PAK5: variants seen among roughly 807,000 people sequenced by gnomAD.
PAK5 encodes serine/threonine-protein kinase PAK 5.
PAK5 carries 16 observed loss-of-function variants against 65.9 expected under a neutral mutation model. The observed-to-expected ratio is 0.24, with a 90% CI of 0.16 to 0.37. The LOEUF (loss-of-function observed/expected upper bound fraction) is 0.37, where lower values mean the gene tolerates loss of function less well. PAK5 is among the 10% of genes least tolerant of loss of function. The pLI, the probability that PAK5 is intolerant of heterozygous loss-of-function variation, is 1.00. For missense variants in PAK5, 785 were observed against 903.9 expected, an observed-to-expected ratio of 0.87 and a Z score of 1.69; for synonymous variants, 371 against 354.9, an observed-to-expected ratio of 1.05 and a Z score of -0.51.
rs140932335 is a variant in PAK5, at chr20:9,629,561, T to A, written c.204+14564A>T. Among the ~76,000 whole-genome samples, 321 of 152,086 alleles carry A rather than the reference T, an allele frequency of 2.1e-3. 1 individual carries two copies. The highest frequency in any genetic ancestry group is 7.4e-3 in the African/African-American group (309 of 41,502). On this transcript the variant is annotated intron_variant, in intron 3 of 9. Coordinates refer to ENST00000353224, the MANE Select transcript of PAK5 (RefSeq NM_177990.4). Reference sequence around the variant, plus strand: ...CTGGTCTTGAACTCCTGGACTCAAGTGATCCTCCTGCCTTGGCCTCTCAAA... The same window carrying A: ...CTGGTCTTGAACTCCTGGACTCAAGAGATCCTCCTGCCTTGGCCTCTCAAA...
chr20:9,577,746 C>G (rs772706171), intron 4 of PAK5: 1 of 152,232 alleles, frequency 6.6e-6, no homozygotes, highest in Non-Finnish European at 1.5e-5. Flanking sequence ...GAATCTCTCA[C>G]GAGTTTCCTG....
At chr20:9,589,936 T>G (rs1198754127) in intron 3 of PAK5, among the ~76,000 whole-genome samples, 1 of 152,182 alleles carries the variant, frequency 6.6e-6, no homozygotes, top group African/African-American at 2.4e-5. Context: ...TCTCTTTCTA[T>G]TCTAAGACTT....
At chr20:9,667,717 G>C (rs2047438782) in intron 2 of PAK5, among the ~76,000 whole-genome samples, 1 of 152,060 alleles carries the variant, frequency 6.6e-6, no homozygotes, top group Non-Finnish European at 1.5e-5. Flanking sequence ...CTAAGTTTTG[G>C]GGTCATTTGT....
At chr20:9,581,459 A>G (rs2045979526) in intron 3 of PAK5, among the ~76,000 whole-genome samples, 1 of 152,206 alleles carries the variant, frequency 6.6e-6, no homozygotes, top group Non-Finnish European at 1.5e-5. Context: ...TGGAAGACAT[A>G]ATAACTGAGG....
At chr20:9,668,182 A>G (rs2123357339) in intron 2 of PAK5, among the ~76,000 whole-genome samples, 1 of 152,296 alleles carries the variant, frequency 6.6e-6, no homozygotes, top group Admixed American at 6.5e-5. Context: ...CATACAACCT[A>G]AGACAATAGC....
chr20:9,592,861 T>C (rs772178294), intron 3 of PAK5, among the ~76,000 whole-genome samples: 2 of 152,092 alleles, frequency 1.3e-5, no homozygotes, highest in Non-Finnish European at 2.9e-5. Flanking sequence ...AGAACAGGTG[T>C]TGTGGGATGT....
At chr20:9,836,089 A>G (rs1023400078) in intron 1 of PAK5, among the ~76,000 whole-genome samples, 2 of 152,136 alleles carry the variant, frequency 1.3e-5, no homozygotes, top group Non-Finnish European at 2.9e-5. Context: ...GCTCTTCCCT[A>G]CCATGGTTGT....
intron 2 of PAK5, among the ~76,000 whole-genome samples, chr20:9,704,541 T>C (rs1416879282): frequency 6.6e-6 from 1 of 152,158 alleles, no homozygotes; most frequent in Admixed American, 6.5e-5. Context: ...CCACTAAATA[T>C]ATGATCCCTA....
At chr20:9,667,587 C>T (rs2047437529) in intron 2 of PAK5, among the ~76,000 whole-genome samples, 1 of 152,074 alleles carries the variant, frequency 6.6e-6, no homozygotes, top group Non-Finnish European at 1.5e-5. Flanking sequence ...CTTCTAGTTG[C>T]ATACCACTGG....
chr20:9,777,086 C>T (rs1175432252), intron 1 of PAK5, among the ~76,000 whole-genome samples: 6 of 152,108 alleles, frequency 3.9e-5, no homozygotes, highest in African/African-American at 9.7e-5. Flanking sequence ...AGCCAGCTAC[C>T]GTGTCTCATC....
chr20:9,745,341 C>T (rs544972576), intron 1 of PAK5, among the ~76,000 whole-genome samples: 3 of 151,860 alleles, frequency 2.0e-5, no homozygotes, highest in Non-Finnish European at 4.4e-5. Flanking sequence ...ATATGAATCA[C>T]ATTCGACATA....
intron 2 of PAK5, among the ~76,000 whole-genome samples, chr20:9,674,759 G>A (rs993579264): frequency 4.6e-5 from 7 of 152,248 alleles, no homozygotes; most frequent in Admixed American, 2.0e-4. Context: ...CTGGAGTCTA[G>A]TCTCAGTCTA....
chr20:9,806,485 G>A (rs1402343325), intron 1 of PAK5, among the ~76,000 whole-genome samples: 1 of 152,144 alleles, frequency 6.6e-6, no homozygotes, highest in Non-Finnish European at 1.5e-5. Context: ...GGGACAGAAC[G>A]TAAAGACCCT....
At chr20:9,783,872 C>T (rs1018837928) in intron 1 of PAK5, among the ~76,000 whole-genome samples, 1 of 152,078 alleles carries the variant, frequency 6.6e-6, no homozygotes, top group East Asian at 1.9e-4. Flanking sequence ...TTTAACCACG[C>T]TAAAAATCTT....
chr20:9,607,773 A>T (rs6140984), intron 3 of PAK5, among the ~76,000 whole-genome samples: 4 of 151,928 alleles, frequency 2.6e-5, no homozygotes, highest in Non-Finnish European at 5.9e-5. Flanking sequence ...CTACAGTGAG[A>T]TATGATCTTC....
chr20:9,670,024 T>G (rs1455197995), intron 2 of PAK5, among the ~76,000 whole-genome samples: 1 of 151,984 alleles, frequency 6.6e-6, no homozygotes, highest in Non-Finnish European at 1.5e-5. Flanking sequence ...ATGCGGTGTG[T>G]GGTTTTTTGT....
chr20:9,609,635 C>T (rs2046520959), intron 3 of PAK5, among the ~76,000 whole-genome samples: 1 of 152,194 alleles, frequency 6.6e-6, no homozygotes, highest in Admixed American at 6.5e-5. Flanking sequence ...GAGGCAGGAA[C>T]ATGAGGGTGT....
intron 3 of PAK5, among the ~76,000 whole-genome samples, chr20:9,609,776 C>T (rs1600136942): frequency 3.9e-5 from 6 of 152,220 alleles, no homozygotes; most frequent in South Asian, 2.1e-4. Context: ...GTATATTAGT[C>T]GGTGGAACTT....
chr20:9,640,286 C>A (rs2047036827), intron 3 of PAK5, among the ~76,000 whole-genome samples: 1 of 146,390 alleles, frequency 6.8e-6, no homozygotes, highest in Non-Finnish European at 1.5e-5. Flanking sequence ...TGTTCACTTC[C>A]CACCTATGAG....
Sources: gnomAD v4.1 joint callset for allele counts (sites outside exome capture counted in the v4.1 genomes callset) on GRCh38, gnomAD v4.1.1 for gene constraint, MANE v1.5 for transcripts, NCBI Gene and HGNC (gene_info 2026-07-23, HGNC 2026-07-21) for gene names.